ROCK1: variants seen among roughly 807,000 people sequenced by gnomAD.
ROCK1 encodes Rho associated coiled-coil containing protein kinase 1.
In ROCK1, 36 loss-of-function variants were observed where a neutral mutation model predicts 196.8. That is an observed-to-expected ratio of 0.18 (90% confidence interval 0.14 to 0.24). The LOEUF is 0.24. Ranked by LOEUF, ROCK1 falls within the 10% of genes least tolerant of loss-of-function variation. ROCK1 has a pLI of 1.00. For synonymous variants in ROCK1, 443 were observed against 515.9 expected (o/e 0.86, Z 1.91); for missense variants, 920 against 1,562.0 (o/e 0.59, Z 6.93).
intron 4 of ROCK1, 28 bp downstream of exon 4, chr18:21,049,064 C>A (rs368204779): frequency 3.9e-6 from 6 of 1,541,296 alleles, no homozygotes; most frequent in Middle Eastern, 1.7e-4. Flanking sequence ...ACTAATGCAG[C>A]AATAATGAAA....
chr18:21,026,907 G>C (rs954514958), intron 10 of ROCK1, among the ~76,000 whole-genome samples: 23 of 150,750 alleles, frequency 1.5e-4, no homozygotes, highest in Non-Finnish European at 3.1e-4. Context: ...CATTATACTG[G>C]TATAGCACTT....
chr18:21,059,571 G>C (rs1315326296), intron 2 of ROCK1, among the ~76,000 whole-genome samples: 1 of 152,060 alleles, frequency 6.6e-6, no homozygotes, highest in African/African-American at 2.4e-5. Context: ...AGGAACAACA[G>C]AAAAGCCATA....
At chr18:20,981,179 G>T (rs1032112581) in intron 21 of ROCK1, among the ~76,000 whole-genome samples, 5 of 152,012 alleles carry the variant, frequency 3.3e-5, no homozygotes, top group Non-Finnish European at 5.9e-5. Flanking sequence ...CAGATCATGG[G>T]GTCAGGAGAT....
rs1366792179 is a variant in ROCK1, at chr18:21,049,435, T to A, written c.277-206A>T. 5.9e-5 allele frequency among the ~76,000 whole-genome samples: 9 copies of A among 152,336 alleles called. No individual in the cohort carries two copies. In the South Asian group the frequency reaches 6.2e-4, roughly 11 times the overall value. ...TATCAGAAGTAATGTTTTAAAAAAA[T>A]TTTTATTTCCTATATTACAAGACAC... On this transcript the variant is annotated intron_variant, in intron 3 of 32. Coordinates refer to ENST00000399799, the MANE Select transcript of ROCK1 (RefSeq NM_005406.3).
At chr18:21,103,314 T>C (rs1396557074) in intron 1 of ROCK1, among the ~76,000 whole-genome samples, 2 of 152,294 alleles carry the variant, frequency 1.3e-5, no homozygotes, top group South Asian at 4.1e-4. Context: ...TTACTAAAGA[T>C]GGTTGACAGT....
chr18:21,034,731 T>C (rs2036042014), intron 9 of ROCK1, among the ~76,000 whole-genome samples: 1 of 152,208 alleles, frequency 6.6e-6, no homozygotes, highest in South Asian at 2.1e-4. Context: ...ACATTGGATT[T>C]GGCAATGATT....
intron 11 of ROCK1, among the ~76,000 whole-genome samples, chr18:21,021,685 A>C (rs2035914095): frequency 6.6e-6 from 1 of 152,188 alleles, no homozygotes; most frequent in Non-Finnish European, 1.5e-5. Flanking sequence ...TAATTAGTAT[A>C]TCCCCCCTGA....
chr18:21,058,434 A>G (rs1329849868), intron 2 of ROCK1, among the ~76,000 whole-genome samples: 3 of 152,176 alleles, frequency 2.0e-5, no homozygotes, highest in Non-Finnish European at 4.4e-5. Context: ...CATAATAAAC[A>G]TTATGTACCT....
chr18:21,018,548 A>AT (rs2035885095), intron 12 of ROCK1, among the ~76,000 whole-genome samples: 1 of 150,406 alleles, frequency 6.6e-6, no homozygotes, highest in Non-Finnish European at 1.5e-5. Context: ...AAAAAAAAAA[A>AT]TTTGGATGTA....
At chr18:21,108,484 A>G (rs929822276) in intron 1 of ROCK1, among the ~76,000 whole-genome samples, 17 of 152,166 alleles carry the variant, frequency 1.1e-4, no homozygotes, top group Admixed American at 1.1e-3. Context: ...TGATTGCTCC[A>G]CTATCCCCTC....
chr18:21,086,340 G>A (rs1385009643), intron 1 of ROCK1, among the ~76,000 whole-genome samples: 5 of 152,012 alleles, frequency 3.3e-5, no homozygotes, highest in East Asian at 1.9e-4. Context: ...TCGAACTCCC[G>A]ACCTCAAGTG....
intron 32 of ROCK1, chr18:20,953,372 C>T (rs2035208923): frequency 2.4e-6 from 1 of 412,388 alleles, no homozygotes; most frequent in Non-Finnish European, 4.3e-6. Flanking sequence ...AGACACAGAA[C>T]TAAATAAATA....
chr18:21,028,732 C>G (rs778757797), intron 10 of ROCK1, 44 bp downstream of exon 10: 1 of 1,500,964 alleles, frequency 6.7e-7, no homozygotes, highest in Non-Finnish European at 8.9e-7. Flanking sequence ...TTTCTAAGAA[C>G]AAAATCAGCA....
chr18:21,058,458 C>T (rs1812462143), intron 2 of ROCK1, among the ~76,000 whole-genome samples: 1 of 151,904 alleles, frequency 6.6e-6, no homozygotes. Flanking sequence ...ACTGTTTGAC[C>T]AGAATACTGC....
In ROCK1 at chr18:20,986,181, G is replaced by GT. The variant is rs201971540; in HGVS notation, c.2304+768dup. Among the ~76,000 whole-genome samples, 1,061 of 152,202 alleles carry GT rather than the reference G, an allele frequency of 7.0e-3. 14 individuals carry two copies. Among genetic ancestry groups the GT allele is most frequent in the African/African-American group, 0.024 (1,004 of 41,548 alleles). On this transcript the variant is annotated intron_variant, in intron 19 of 32. Coordinates refer to ENST00000399799, the MANE Select transcript of ROCK1 (RefSeq NM_005406.3). ...TGGCCACCCATGGAAGTTTTAAAGA[G>GT]TATCGATACTTTGGCCTACAAATTT...
intron 5 of ROCK1, among the ~76,000 whole-genome samples, chr18:21,044,844 C>T (rs2036141164): frequency 6.6e-6 from 1 of 151,944 alleles, no homozygotes; most frequent in Admixed American, 6.6e-5. Context: ...AAATTATAAA[C>T]TTCAAAGTTT....
At chr18:21,041,251 G>A (rs1181471116) in intron 8 of ROCK1, among the ~76,000 whole-genome samples, 3 of 126,664 alleles carry the variant, frequency 2.4e-5, no homozygotes, top group Non-Finnish European at 3.2e-5. Flanking sequence ...GGGCAACAGA[G>A]CAAAACCCTG....
chr18:20,986,880 A>G (rs760642757), intron 19 of ROCK1, 70 bp downstream of exon 19: 3 of 1,317,960 alleles, frequency 2.3e-6, no homozygotes, highest in Non-Finnish European at 3.1e-6. Context: ...AATTATAGAT[A>G]ACTCCAGTCA....
chr18:20,996,493 A>G (rs2035671921), intron 16 of ROCK1, among the ~76,000 whole-genome samples: 1 of 152,200 alleles, frequency 6.6e-6, no homozygotes, highest in Admixed American at 6.5e-5. Context: ...ATAGGGGTAG[A>G]AAGTTTACTC....
Sources: allele counts gnomAD v4.1 joint callset (sites outside exome capture counted in the v4.1 genomes callset), GRCh38; gene constraint gnomAD v4.1.1; transcripts MANE v1.5; gene names NCBI Gene and HGNC (gene_info 2026-07-23, HGNC 2026-07-21).